The following LYST variants were observed in gnomAD, a reference collection of about 807,000 sequenced individuals.
LYST encodes lysosomal trafficking regulator, also known as lysosomal-trafficking regulator.
In LYST, 192 loss-of-function variants were observed where a neutral mutation model predicts 413.6. The ratio of observed to expected loss-of-function variants is 0.46; its 90% CI spans 0.41 to 0.52. The LOEUF (loss-of-function observed/expected upper bound fraction) is 0.52, where lower values mean the gene tolerates loss of function less well. Among genes scored for constraint, LYST ranks in the 20% least tolerant of loss-of-function variants. The pLI, the probability that LYST is intolerant of heterozygous loss-of-function variation, is 0.00. For synonymous variants in LYST, 1,525 were observed against 1,567.3 expected (o/e 0.97, Z 0.64); for missense variants, 3,815 against 4,499.9 (o/e 0.85, Z 4.35).
rs1045918974 is a variant in LYST at position 235,809,618 on chromosome 1, A to G, written c.1200T>C (p.Leu400=). 1.2e-6 allele frequency: 2 copies of G among 1,614,114 alleles called. No homozygotes were observed. Among genetic ancestry groups the G allele is most frequent in the South Asian group, 2.2e-5 (2 of 91,082 alleles). ...VFSKYRHRAL[L]LPELLEGVLQ... The stretch of plus-strand genomic sequence containing the variant: ...GAACTCCTTCCAAAAGCTCAGGTAA[A>G]AGAAGGGCTCTATGACGATACTTTG... Residue 400 remains leucine, a synonymous_variant, in exon 5 of 53, where the codon CTT becomes CTC. Transcript: ENST00000389793. This position sits in a 1 kb window ranked among gnomAD's most constrained non-coding sequence, Gnocchi z 4.0.
In LYST at chr1:235,834,115, G is replaced by A. The variant is rs180962117; in HGVS notation, c.-97-448C>T. On this transcript the variant is annotated intron_variant, in intron 1 of 52. Transcript: ENST00000389793. ...ACATAAGAACTTAGACAATACCAAA[G>A]CCAAACATTAATTTATTAATCACCA... is the stretch of plus-strand genomic sequence containing the variant. Among the ~76,000 whole-genome samples, 8 of 152,232 alleles carry A rather than the reference G, an allele frequency of 5.3e-5. No individual in the cohort carries two copies. In the East Asian group the frequency reaches 1.5e-3, roughly 29 times the overall value.
chr1:235,756,055 CTATATCTGTATCTATA>C (rs1558195644), intron 24 of LYST, among the ~76,000 whole-genome samples: 3 of 134,570 alleles, frequency 2.2e-5, no homozygotes, highest in African/African-American at 8.3e-5. Context: ...ATATCTATAT[CTATATCTGTATCTATA>C]TCTATCCTAG....
chr1:235,819,554 C>A (rs1449106480), intron 3 of LYST, among the ~76,000 whole-genome samples: 1 of 152,188 alleles, frequency 6.6e-6, no homozygotes, highest in Non-Finnish European at 1.5e-5. Context: ...CCATATTAGA[C>A]AATATATGCC....
intron 1 of LYST, among the ~76,000 whole-genome samples, chr1:235,853,656 A>G (rs772344206): frequency 7.9e-5 from 12 of 152,130 alleles, no homozygotes; most frequent in Non-Finnish European, 1.5e-4. Flanking sequence ...CAAGCCCATG[A>G]AATCTTGGTT....
At chr1:235,760,349 T>C (rs969064530) in intron 22 of LYST, among the ~76,000 whole-genome samples, 16 of 152,196 alleles carry the variant, frequency 1.1e-4, no homozygotes, top group African/African-American at 3.9e-4. Context: ...TAGTACTTGT[T>C]GTTACTAGCC....
chr1:235,668,349 A>G (rs922959318), intron 50 of LYST, among the ~76,000 whole-genome samples: 8 of 152,192 alleles, frequency 5.3e-5, no homozygotes, highest in East Asian at 1.9e-4. Context: ...GTCGCTACAG[A>G]TAAATTTGAC....
chr1:235,773,339 GCAAA>G (rs1457236947), intron 19 of LYST, among the ~76,000 whole-genome samples: 1 of 151,240 alleles, frequency 6.6e-6, no homozygotes, highest in Non-Finnish European at 1.5e-5. Context: ...AAAAACAAAA[GCAAA>G]CAAACAAAAA....
Position 235,705,393 on chromosome 1 carries a change from A to T in LYST, c.10144-2416T>A, listed in dbSNP as rs13375046. On this transcript the variant is annotated intron_variant, in intron 44 of 52. Transcript: ENST00000389793. ...TTCAGTCTTCAGATACTTTTTTTTA[A>T]AAAAAAAATTGAGACAGGGTCTTGC... Among the ~76,000 whole-genome samples, 1,217 of 151,556 alleles carry T rather than the reference A, an allele frequency of 8.0e-3. 18 individuals are homozygous for T. The highest frequency in any genetic ancestry group is 0.028 in the African/African-American group (1,140 of 41,324).
chr1:235,849,927 A>G (rs997736873), intron 1 of LYST, among the ~76,000 whole-genome samples: 3 of 152,174 alleles, frequency 2.0e-5, no homozygotes, highest in Admixed American at 2.0e-4. Flanking sequence ...GGTAGAATCA[A>G]TATTGTGAAA....
intron 37 of LYST, among the ~76,000 whole-genome samples, chr1:235,728,843 T>C (rs997291626): frequency 6.6e-6 from 1 of 152,196 alleles, no homozygotes; most frequent in Non-Finnish European, 1.5e-5. Flanking sequence ...TCTTGGACCT[T>C]GGAGGCTATA....
At chr1:235,869,447 G>A (rs185752924), upstream of LYST, among the ~76,000 whole-genome samples, 3 of 152,192 alleles carry the variant, frequency 2.0e-5, no homozygotes, top group African/African-American at 7.2e-5. Flanking sequence ...AGTCTGGCCC[G>A]GGTGAAAGAG....
rs1663627914 is a variant in LYST at position 235,724,045 on chromosome 1, C to A, written c.9298G>T (p.Ala3100Ser). 9 of 1,613,470 alleles carry A rather than the reference C, an allele frequency of 5.6e-6. No homozygotes were observed. Among genetic ancestry groups the A allele is most frequent in the Non-Finnish European group, 5.9e-6 (7 of 1,179,632 alleles). Reference protein sequence around the residue: ...FLTNGRTLLLAFDNTKVRDDV... With the variant: ...FLTNGRTLLLSFDNTKVRDDV... Reference sequence around the variant, plus strand: ...GAATTTACCTTGGTGTTATCAAATGCCAACAGGAGTGTTCTGCCATTTGTT... The same window carrying A: ...GAATTTACCTTGGTGTTATCAAATGACAACAGGAGTGTTCTGCCATTTGTT... Residue 3100 changes from alanine (A) to serine (S), a missense_variant, in exon 39 of 53, where the codon GCA becomes TCA. Transcript: ENST00000389793.
chr1:235,712,583 G>A (rs6665871), intron 42 of LYST: 411,249 of 976,132 alleles, frequency 0.42, 93,377 homozygotes, highest in African/African-American at 0.83. Flanking sequence ...GAAGAAGGAA[G>A]ATTTAAGTTC....
At chr1:235,853,766 A>C (rs1040245138) in intron 1 of LYST, among the ~76,000 whole-genome samples, 1 of 152,132 alleles carries the variant, frequency 6.6e-6, no homozygotes, top group African/African-American at 2.4e-5. Flanking sequence ...AAATAAAGGA[A>C]ACTCAGGCAT....
intron 41 of LYST, among the ~76,000 whole-genome samples, 197 bp downstream of exon 41, chr1:235,716,515 T>C (rs1209619430): frequency 6.6e-6 from 1 of 152,218 alleles, no homozygotes; most frequent in African/African-American, 2.4e-5. Context: ...GTGTATTCTT[T>C]TTCTGGGCAA....
Position 235,759,457 on chromosome 1 carries a change from T to C in LYST, c.6396A>G (p.Leu2132=), listed in dbSNP as rs1012488857. Residue 2132 remains leucine, a synonymous_variant, in exon 23 of 53, where the codon TTA becomes TTG. Transcript: ENST00000389793. ...TGSLGCSIDR[L]QNIADTYVAT... ...CAACATAAGTATCTGCAATATTTTG[T>C]AACCTGTCGATACTACAACCCAAAC... 8 of 1,614,014 alleles carry C rather than the reference T, an allele frequency of 5.0e-6. No individual in the cohort carries two copies. The highest frequency in any genetic ancestry group is 1.3e-5 in the African/African-American group (1 of 74,918).
chr1:235,841,703 G>A (rs1033834052), intron 1 of LYST, among the ~76,000 whole-genome samples: 1 of 152,094 alleles, frequency 6.6e-6, no homozygotes, highest in Non-Finnish European at 1.5e-5. Flanking sequence ...AGGCTGGGGC[G>A]GGGAAGCAGG....
Position 235,677,667 on chromosome 1 carries a change from C to T in LYST, c.10801-48G>A, listed in dbSNP as rs778037240. 2.2e-5 allele frequency: 32 copies of T among 1,441,998 alleles called. No homozygotes were observed. In the East Asian group the frequency reaches 4.3e-4, roughly 19 times the overall value. The allele number at this position is 1,441,998 out of a possible 1,614,324, so 89.3% of individuals were successfully genotyped here. A position where few individuals can be genotyped will look rare whatever the true frequency, so the allele number is the denominator to read the frequency against. ...GAGATAAAAACCACAACAAAAAGTA[C>T]TCTAGTATAGTATCTCAAAAATAAA... On this transcript the variant is annotated intron_variant, in intron 48 of 52. Transcript: ENST00000389793.
At chr1:235,769,466 C>T (rs764127185) in intron 20 of LYST, among the ~76,000 whole-genome samples, 3 of 151,966 alleles carry the variant, frequency 2.0e-5, no homozygotes, top group African/African-American at 7.2e-5. Context: ...GAAGCAAAGG[C>T]GCTCAAAATA....
Sources: gnomAD v4.1 joint callset for allele counts (sites outside exome capture counted in the v4.1 genomes callset) on GRCh38, gnomAD v4.1.1 for gene constraint, Gnocchi (gnomAD v3.1) non-coding constraint, MANE v1.5 for transcripts, NCBI Gene and HGNC (gene_info 2026-07-23, HGNC 2026-07-21) for gene names.